The following PCDH15 variants were observed in gnomAD, a reference collection of about 807,000 sequenced individuals.
PCDH15 encodes the protein protocadherin-15.
Under a neutral mutation model 178.5 loss-of-function variants are expected in PCDH15, and 129 were observed. The ratio of observed to expected loss-of-function variants is 0.72; its 90% CI spans 0.63 to 0.84. PCDH15 has a LOEUF of 0.84. Ranked by LOEUF, PCDH15 falls within the 40% of genes least tolerant of loss-of-function variation. PCDH15 has a pLI of 0.00. For missense variants in PCDH15, 2,230 were observed against 2,099.9 expected (o/e 1.06, Z -1.21); for synonymous variants, 800 against 732.0 (o/e 1.09, Z -1.50).
chr10:55,195,486 CAAA>C (rs34476628), intron 1 of PCDH15, among the ~76,000 whole-genome samples: 30,227 of 115,024 alleles, frequency 0.26, 3,193 homozygotes, highest in East Asian at 0.37. Context: ...ACTAAAAATA[CAAA>C]AAAAAAAAAA....
chr10:55,302,132 G>A (rs1022158725), intron 1 of PCDH15, among the ~76,000 whole-genome samples: 3 of 152,014 alleles, frequency 2.0e-5, no homozygotes, highest in African/African-American at 4.8e-5. Flanking sequence ...TATCAAACCT[G>A]TATCTCAAAT....
At chr10:54,460,823 A>C (rs1469560488) in intron 3 of PCDH15, among the ~76,000 whole-genome samples, 1 of 152,120 alleles carries the variant, frequency 6.6e-6, no homozygotes, top group Non-Finnish European at 1.5e-5. Flanking sequence ...CTGAGTTTGA[A>C]GTGCACTTGA....
intron 1 of PCDH15, among the ~76,000 whole-genome samples, chr10:54,785,377 A>G (rs1950758500): frequency 6.6e-6 from 1 of 151,928 alleles, no homozygotes; most frequent in Non-Finnish European, 1.5e-5. Context: ...CTCCTTTCTT[A>G]AGCTTCATAT....
At chr10:55,460,547 T>C (rs1455691233) in intron 2 of PCDH15, among the ~76,000 whole-genome samples, 2 of 152,236 alleles carry the variant, frequency 1.3e-5, no homozygotes, top group African/African-American at 4.8e-5. Flanking sequence ...TTGGTTTTTA[T>C]ATCTGGGACT....
chr10:55,599,875 GT>G, intron 2 of PCDH15: 3 of 1,453,268 alleles, frequency 2.1e-6, no homozygotes, highest in Non-Finnish European at 2.8e-6. Context: ...ATAATCACTT[GT>G]TCCCTAAGTA....
At chr10:55,394,164 T>C (rs1020921333) in intron 2 of PCDH15, among the ~76,000 whole-genome samples, 4 of 152,018 alleles carry the variant, frequency 2.6e-5, no homozygotes, top group Admixed American at 6.6e-5. Flanking sequence ...TTTTCTACTA[T>C]ATAGCCATGT....
chr10:55,375,321 T>C (rs1485679094), intron 2 of PCDH15, among the ~76,000 whole-genome samples: 1 of 151,934 alleles, frequency 6.6e-6, no homozygotes, highest in East Asian at 1.9e-4. Context: ...TTTTAAGTGA[T>C]TTTTTTTCCT....
chr10:54,089,125 A>C (rs2094559475), intron 16 of PCDH15, among the ~76,000 whole-genome samples: 1 of 152,226 alleles, frequency 6.6e-6, no homozygotes, highest in Non-Finnish European at 1.5e-5. Flanking sequence ...AATTCTATTT[A>C]ACGTGAAATT....
chr10:55,354,539 A>G (rs1365055052), intron 2 of PCDH15, among the ~76,000 whole-genome samples: 4 of 152,092 alleles, frequency 2.6e-5, no homozygotes, highest in African/African-American at 7.2e-5. Flanking sequence ...GTAGATTTCA[A>G]TAAGATAATT....
intron 16 of PCDH15, among the ~76,000 whole-genome samples, chr10:54,082,464 A>G (rs915166856): frequency 6.6e-6 from 1 of 152,186 alleles, no homozygotes; most frequent in Non-Finnish European, 1.5e-5. Flanking sequence ...CTGATTTTCA[A>G]CAAGAATGCC....
chr10:54,851,956 A>G (rs1208231117), intron 3 of PCDH15, among the ~76,000 whole-genome samples: 1 of 152,312 alleles, frequency 6.6e-6, no homozygotes, highest in South Asian at 2.1e-4. Flanking sequence ...TAAATTGGCC[A>G]CTTTTTGAAT....
In PCDH15 at chr10:53,806,990, A is replaced by G. The variant is rs1841215366; in HGVS notation, c.4812T>C (p.Tyr1604=). Reference sequence around the variant, plus strand: ...TCACCACAGAACCATTCTGTGCAATATATATATTGCCGTTGATATTACTGT... The same window carrying G: ...TCACCACAGAACCATTCTGTGCAATGTATATATTGCCGTTGATATTACTGT... The part of the protein sequence containing the change: ...SIHSNINGNI[Y]IAQNGSVVRT... The change falls in exon 38 of 38, where the codon TAT becomes TAC. Residue 1604 remains tyrosine (Y), a synonymous_variant. Coordinates refer to ENST00000644397, the MANE Select transcript of PCDH15 (RefSeq NM_001384140.1). 6.2e-7 allele frequency: 1 copy of G among 1,613,574 alleles called. No homozygotes were observed. The highest frequency in any genetic ancestry group is 1.3e-5 in the African/African-American group (1 of 74,834).
At chr10:55,030,322 G>C (rs1840578936) in intron 2 of PCDH15, among the ~76,000 whole-genome samples, 1 of 152,168 alleles carries the variant, frequency 6.6e-6, no homozygotes, top group Non-Finnish European at 1.5e-5. Context: ...GAGAGCACGA[G>C]TCTCAGTTTC....
At chr10:54,635,382 A>G (rs1217540580) in intron 2 of PCDH15, among the ~76,000 whole-genome samples, 2 of 112,986 alleles carry the variant, frequency 1.8e-5, no homozygotes, top group East Asian at 2.5e-4. Flanking sequence ...TTCATCTCAT[A>G]TATGTATATA....
At chr10:55,547,908 TGTGAGA>T (rs1564448156) in intron 2 of PCDH15, among the ~76,000 whole-genome samples, 66 of 35,290 alleles carry the variant, frequency 1.9e-3, no homozygotes, top group African/African-American at 8.0e-3. Context: ...TGTGTGTGTG[TGTGAGA>T]GAGAGAGAGA....
At chr10:53,920,630 G>A (rs1479871268) in intron 25 of PCDH15, among the ~76,000 whole-genome samples, 6 of 152,174 alleles carry the variant, frequency 3.9e-5, no homozygotes, top group East Asian at 3.9e-4. Flanking sequence ...ATACGTACAC[G>A]AAACTCTTGA....
intron 2 of PCDH15, among the ~76,000 whole-genome samples, chr10:55,566,109 A>G (rs1454146360): frequency 6.6e-6 from 1 of 151,752 alleles, no homozygotes; most frequent in East Asian, 1.9e-4. Context: ...GACCGCAAGC[A>G]AAAGAGATTT....
chr10:54,074,287 C>A (rs1004520697), intron 17 of PCDH15, among the ~76,000 whole-genome samples: 6 of 152,160 alleles, frequency 3.9e-5, no homozygotes, highest in Admixed American at 3.3e-4. Flanking sequence ...CTATCCATCT[C>A]TAAAACTCTT....
At chr10:54,979,291 C>T (rs961692605) in intron 2 of PCDH15, among the ~76,000 whole-genome samples, 1 of 152,144 alleles carries the variant, frequency 6.6e-6, no homozygotes, top group African/African-American at 2.4e-5. Flanking sequence ...TGGTAATTGA[C>T]TTCAAATTAT....
Sources: gnomAD v4.1 joint callset for allele counts (sites outside exome capture counted in the v4.1 genomes callset) on GRCh38, gnomAD v4.1.1 for gene constraint, MANE v1.5 for transcripts, NCBI Gene and HGNC (gene_info 2026-07-23, HGNC 2026-07-21) for gene names.